The following ETF1 variants were observed in gnomAD, a reference collection of about 807,000 sequenced individuals.
ETF1 encodes eukaryotic translation termination factor 1.
In ETF1, 4 loss-of-function variants were observed where a neutral mutation model predicts 55.1. The observed-to-expected ratio is 0.07, with a 90% CI of 0.04 to 0.17. The LOEUF (loss-of-function observed/expected upper bound fraction) is 0.17, where lower values mean the gene tolerates loss of function less well. Ranked by LOEUF, ETF1 falls within the 10% of genes least tolerant of loss-of-function variation. The pLI is 1.00. For synonymous variants in ETF1, 157 were observed against 182.3 expected, an observed-to-expected ratio of 0.86 and a Z score of 1.12; for missense variants, 142 against 523.6, an observed-to-expected ratio of 0.27 and a Z score of 7.11.
At chr5:138,541,931 TCCC>T (rs1240009595) in intron 2 of ETF1, among the ~76,000 whole-genome samples, 1 of 151,508 alleles carries the variant, frequency 6.6e-6, no homozygotes, top group Non-Finnish European at 1.5e-5. Flanking sequence ...TAGCCTACTC[TCCC>T]CCCAATGGAC....
intron 2 of ETF1, among the ~76,000 whole-genome samples, chr5:138,525,377 C>G (rs561182296): frequency 6.6e-6 from 1 of 150,912 alleles, no homozygotes; most frequent in African/African-American, 2.4e-5. Flanking sequence ...AGGCTGGTCT[C>G]GAACTCCTGA....
In ETF1 at chr5:138,518,580, C is replaced by T. The variant is rs1765115284; in HGVS notation, c.262+112G>A. 6 of 902,910 alleles carry T rather than the reference C, an allele frequency of 6.6e-6. No homozygotes were observed. The South Asian group carries it at 1.1e-4, about 17-fold the overall frequency. The allele number at this position is 902,910 out of a possible 1,614,324, so 55.9% of individuals were successfully genotyped here. A position where few individuals can be genotyped will look rare whatever the true frequency, so the allele number is the denominator to read the frequency against. On this transcript the variant is annotated intron_variant, in intron 3 of 10. Coordinates refer to ENST00000360541, the MANE Select transcript of ETF1 (RefSeq NM_004730.4). The stretch of plus-strand genomic sequence containing the variant: ...GCTAACCACCAAGGCCAAAGAGACA[C>T]TGATGACAGCCGACTTAAGGGAACA...
intron 2 of ETF1, among the ~76,000 whole-genome samples, chr5:138,521,513 G>A (rs1486094477): frequency 1.3e-5 from 2 of 152,076 alleles, no homozygotes; most frequent in African/African-American, 4.8e-5. Flanking sequence ...CAACTACTTA[G>A]TCCATTTATA....
chr5:138,508,917 C>T lies in ETF1; in HGVS notation c.1084-101G>A, dbSNP rs1581011447. 5 of 1,502,416 alleles carry T rather than the reference C, an allele frequency of 3.3e-6. No individual in the cohort carries two copies. The East Asian group carries it at 1.1e-4, about 35-fold the overall frequency. The allele number at this position is 1,502,416 out of a possible 1,614,324, so 93.1% of individuals were successfully genotyped here. A position where few individuals can be genotyped will look rare whatever the true frequency, so the allele number is the denominator to read the frequency against. ...TTGCCCACCTATCACTCTCATCCTC[C>T]CATTTATAGGCATGTCTGTGTGTAA... On this transcript the variant is annotated intron_variant, in intron 9 of 10. Transcript: ENST00000360541.
chr5:138,541,179 CAAA>C (rs760868857), intron 2 of ETF1, among the ~76,000 whole-genome samples: 7 of 152,148 alleles, frequency 4.6e-5, no homozygotes, highest in Non-Finnish European at 8.8e-5. Flanking sequence ...CCTACTGAAA[CAAA>C]AGAACCTGGC....
At chr5:138,518,963 A>C (rs1400908838) in intron 2 of ETF1, 96 bp from the exon 3 acceptor site, 4 of 1,549,616 alleles carry the variant, frequency 2.6e-6, no homozygotes, top group Non-Finnish European at 3.5e-6. Context: ...AGATGCCCCA[A>C]AGTTATGGAA....
At position 138,524,778 on chromosome 5, in the gene ETF1, A is replaced by C. The variant is rs929226846; in HGVS notation, c.87-5911T>G. ...TTTTTAGTAGAGATGGGGTTTCACC[A>C]TGTTGGCCAGGATGGTCTTGATCTC... On this transcript the variant is annotated intron_variant, in intron 2 of 10. Transcript: ENST00000360541. Among the ~76,000 whole-genome samples the C allele has an allele frequency of 5.9e-5, 9 of 151,792 alleles. No homozygotes were observed. The East Asian group carries it at 1.6e-3, about 26-fold the overall frequency.
At chr5:138,509,925 G>A (rs1429842672) in intron 9 of ETF1, among the ~76,000 whole-genome samples, 3 of 149,530 alleles carry the variant, frequency 2.0e-5, no homozygotes, top group African/African-American at 7.4e-5. Flanking sequence ...AAGGGAATGA[G>A]GGCTTGTGCC....
intron 9 of ETF1, 59 bp downstream of exon 9, chr5:138,510,506 A>T: frequency 7.5e-7 from 1 of 1,324,822 alleles, no homozygotes; most frequent in Non-Finnish European, 1.1e-6. Flanking sequence ...CACAGCCAGT[A>T]CTCTAACACA....
Position 138,518,882 on chromosome 5 carries a change from A to G in ETF1, c.87-15T>C, listed in dbSNP as rs750494694. On this transcript the variant is annotated splice_polypyrimidine_tract_variant and intron_variant, in intron 2 of 10. Coordinates refer to ENST00000360541, the MANE Select transcript of ETF1 (RefSeq NM_004730.4). ...TGGTGCCATTGCTGTGGAAGAAAGA[A>G]TAACTCATTAGGGATTTAAATATCA... 4 of 1,612,004 alleles carry G rather than the reference A, an allele frequency of 2.5e-6. No individual in the cohort carries two copies. Among genetic ancestry groups the G allele is most frequent in the Non-Finnish European group, 3.4e-6 (4 of 1,178,310 alleles).
chr5:138,526,962 A>C (rs1368318823), intron 2 of ETF1, among the ~76,000 whole-genome samples: 1 of 152,010 alleles, frequency 6.6e-6, no homozygotes, highest in Non-Finnish European at 1.5e-5. Flanking sequence ...AGCCTCCCAA[A>C]GTACTGGGAT....
chr5:138,514,595 C>G (rs1383631113), intron 4 of ETF1, among the ~76,000 whole-genome samples: 4 of 148,244 alleles, frequency 2.7e-5, no homozygotes, highest in African/African-American at 5.0e-5. Context: ...GAGACAGGGT[C>G]TCACTTTGCT....
chr5:138,508,413 T>G (rs1390522815), intron 10 of ETF1, 26 bp from the exon 11 acceptor site: 4 of 1,612,500 alleles, frequency 2.5e-6, no homozygotes, highest in Non-Finnish European at 3.4e-6. Context: ...AAAAGGTAAA[T>G]TACCTGTGTT....
At chr5:138,525,513 T>C (rs994584914) in intron 2 of ETF1, among the ~76,000 whole-genome samples, 2 of 152,086 alleles carry the variant, frequency 1.3e-5, no homozygotes, top group African/African-American at 4.8e-5. Context: ...CTACAACATA[T>C]AGGAAACTAG....
At chr5:138,516,237 G>T (rs1200351882) in intron 4 of ETF1, among the ~76,000 whole-genome samples, 1 of 152,166 alleles carries the variant, frequency 6.6e-6, no homozygotes, top group African/African-American at 2.4e-5. Context: ...TAACTGGACT[G>T]CTTGTAACAC....
chr5:138,510,436 AC>A, intron 9 of ETF1, 128 bp downstream of exon 9: 1 of 467,768 alleles, frequency 2.1e-6, no homozygotes, highest in Non-Finnish European at 4.1e-6. Context: ...CAGATAGATG[AC>A]CACCTCCCAC....
chr5:138,518,980 CACTCT>C, intron 2 of ETF1, 113 bp from the exon 3 acceptor site: 1 of 1,530,398 alleles, frequency 6.5e-7, no homozygotes, highest in Non-Finnish European at 8.8e-7. Context: ...GGAAACAGGT[CACTCT>C]CAAAGGAGTA....
intron 2 of ETF1, among the ~76,000 whole-genome samples, chr5:138,539,200 C>T (rs1275125951): frequency 1.3e-5 from 2 of 152,176 alleles, no homozygotes; most frequent in East Asian, 3.8e-4. Context: ...TTAACACTGT[C>T]CATTCCTTTG....
Position 138,508,832 on chromosome 5 carries a change from T to C in ETF1, c.1084-16A>G, listed in dbSNP as rs1449211047. The C allele has an allele frequency of 6.2e-7, 1 of 1,606,174 alleles. No homozygotes were observed. Among genetic ancestry groups the C allele is most frequent in the African/African-American group, 1.3e-5 (1 of 74,540 alleles). ...CCTGTCCGGTCTACAGGGATGACCA[T>C]GAGATACAAAAATGGGGGATTAGGA... On this transcript the variant is annotated splice_polypyrimidine_tract_variant and intron_variant, in intron 9 of 10. Transcript: ENST00000360541.
Sources: allele counts gnomAD v4.1 joint callset (sites outside exome capture counted in the v4.1 genomes callset), GRCh38; gene constraint gnomAD v4.1.1; transcripts MANE v1.5; gene names NCBI Gene and HGNC (gene_info 2026-07-23, HGNC 2026-07-21).